Variants in PLEKHG1 observed in about 807,000 individuals in gnomAD.
The protein encoded by PLEKHG1 is pleckstrin homology and RhoGEF domain containing G1.
Under a neutral mutation model 100.8 loss-of-function variants are expected in PLEKHG1, and 44 were observed. The observed-to-expected ratio is 0.44, with a 90% CI of 0.34 to 0.56. The LOEUF (loss-of-function observed/expected upper bound fraction) is 0.56, where lower values mean the gene tolerates loss of function less well. Among genes scored for constraint, PLEKHG1 ranks in the 20% least tolerant of loss-of-function variants. The pLI, the probability that PLEKHG1 is intolerant of heterozygous loss-of-function variation, is 0.01. For missense variants in PLEKHG1, 1,545 were observed against 1,720.9 expected, an observed-to-expected ratio of 0.90 and a Z score of 1.81; for synonymous variants, 640 against 662.5, an observed-to-expected ratio of 0.97 and a Z score of 0.52.
upstream of PLEKHG1, among the ~76,000 whole-genome samples, chr6:150,716,723 C>T (rs941234198): frequency 2.0e-5 from 3 of 152,334 alleles, no homozygotes; most frequent in South Asian, 4.1e-4. Flanking sequence ...GATGGTGAAG[C>T]TAATTCACAC....
intron 3 of PLEKHG1, among the ~76,000 whole-genome samples, chr6:150,678,063 CATATATATATATATATATATAT>C (rs201616866): frequency 6.8e-4 from 41 of 60,120 alleles, no homozygotes; most frequent in South Asian, 2.8e-3. Flanking sequence ...TGTTTTGATG[CATATATATATATATATATATAT>C]ATATATATAT....
intron 3 of PLEKHG1, among the ~76,000 whole-genome samples, chr6:150,783,024 A>C (rs1030884455): frequency 2.0e-5 from 3 of 152,274 alleles, no homozygotes; most frequent in East Asian, 1.9e-4. Context: ...TTTGGAAATA[A>C]GGGAAGATTT....
At chr6:150,673,096 A>G (rs1779631872) in intron 3 of PLEKHG1, among the ~76,000 whole-genome samples, 2 of 152,176 alleles carry the variant, frequency 1.3e-5, no homozygotes, top group South Asian at 4.1e-4. Context: ...TTCAGTTTGG[A>G]TGCCCTATTT....
At chr6:150,839,358 C>A (rs577105517) in intron 15 of PLEKHG1, among the ~76,000 whole-genome samples, 1 of 152,260 alleles carries the variant, frequency 6.6e-6, no homozygotes, top group South Asian at 2.1e-4. Context: ...TCAAGTGATC[C>A]ACCTGGTTTG....
At position 150,637,283 on chromosome 6, in the gene PLEKHG1, G is replaced by T. The variant is rs992839123; in HGVS notation, c.-203-797G>T. ...CTCCCATCGTGGGTCATGAAATTTTGCCACTTGAAGGAGATTTTCCCAGTA... is the reference window on the plus strand; with the variant it reads ...CTCCCATCGTGGGTCATGAAATTTTTCCACTTGAAGGAGATTTTCCCAGTA... On this transcript the variant is annotated intron_variant, in intron 1 of 3. Coordinates refer to the PLEKHG1 transcript ENST00000367326. Among the ~76,000 whole-genome samples, 4 of 151,220 alleles carry T rather than the reference G, an allele frequency of 2.6e-5. No individual in the cohort carries two copies. In the South Asian group the frequency reaches 8.3e-4, roughly 31 times the overall value.
At chr6:150,786,267 C>T in intron 3 of PLEKHG1, 123 bp from the exon 5 acceptor site, 1 of 677,580 alleles carries the variant, frequency 1.5e-6, no homozygotes, top group Non-Finnish European at 2.6e-6. Flanking sequence ...AGCAGATCCT[C>T]AGTTATCCAA....
intron 1 of PLEKHG1, among the ~76,000 whole-genome samples, chr6:150,628,578 C>CACACACACACACACACACA (rs1263436444): frequency 9.3e-5 from 3 of 32,106 alleles, no homozygotes; most frequent in Non-Finnish European, 2.2e-4. Flanking sequence ...ACACACACAC[C>CACACACACACACACACACA]CCGTCCTTGC....
chr6:150,764,578 G>A (rs1784361509), intron 2 of PLEKHG1, among the ~76,000 whole-genome samples: 2 of 152,168 alleles, frequency 1.3e-5, no homozygotes, highest in Non-Finnish European at 2.9e-5. Context: ...GTGTGTTTAG[G>A]CGCACGCCCT....
In PLEKHG1 at chr6:150,809,292, G is replaced by A; in HGVS notation, c.1095+5G>A. ...ACATACAAAGCTCACATCCTGGTAGGTCTGCACGCTGGCCATGGGCAGGGA... is the reference window on the plus strand; with the variant it reads ...ACATACAAAGCTCACATCCTGGTAGATCTGCACGCTGGCCATGGGCAGGGA... On this transcript the variant is annotated splice_donor_5th_base_variant and intron_variant, in intron 8 of 15. Coordinates refer to ENST00000358517, the Ensembl canonical transcript of PLEKHG1. The A allele has an allele frequency of 1.2e-6, 2 of 1,613,140 alleles. No individual in the cohort carries two copies. Among genetic ancestry groups the A allele is most frequent in the Non-Finnish European group, 1.7e-6 (2 of 1,179,332 alleles).
Position 150,729,083 on chromosome 6 carries a change from GTGTT to G in PLEKHG1, c.-98-4491_-98-4488del, listed in dbSNP as rs570230892. Among the ~76,000 whole-genome samples the G allele has an allele frequency of 8.7e-4, 132 of 151,950 alleles. No homozygotes were observed. The Middle Eastern group carries it at 0.01, about 12-fold the overall frequency. ...TCTTACATCTCAATTCAGACTGACT[GTGTT>G]TGTTTGTTTATTTATTTATTTAGGG... On this transcript the variant is annotated intron_variant, in intron 1 of 15. Transcript: ENST00000358517.
chr6:150,654,644 A>T (rs1275202486), intron 3 of PLEKHG1, among the ~76,000 whole-genome samples: 1 of 152,254 alleles, frequency 6.6e-6, no homozygotes, highest in Non-Finnish European at 1.5e-5. Flanking sequence ...TGGCGAAGGC[A>T]TGCTCAAGAA....
intron 2 of PLEKHG1, among the ~76,000 whole-genome samples, chr6:150,742,210 A>AG (rs1240954685): frequency 2.6e-5 from 4 of 152,174 alleles, no homozygotes; most frequent in Non-Finnish European, 4.4e-5. Context: ...GCTTCTGATG[A>AG]GGTCTCAGGA....
Position 150,823,692 on chromosome 6 carries a change from T to C in PLEKHG1, c.1470+16T>C, listed in dbSNP as rs200276086. 2.2e-4 allele frequency: 359 copies of C among 1,605,714 alleles called. No homozygotes were observed. Among genetic ancestry groups the C allele is most frequent in the Non-Finnish European group, 3.0e-4 (346 of 1,172,742 alleles). On this transcript the variant is annotated intron_variant, in intron 14 of 15. Transcript: ENST00000358517. ...CATCCAAAAGGTAAGCTCTATCTCA[T>C]TTCTTACTTGGAAATGTTCACTTCA...
At chr6:150,808,476 GC>G (rs1297228273) in intron 7 of PLEKHG1, among the ~76,000 whole-genome samples, 3 of 152,004 alleles carry the variant, frequency 2.0e-5, no homozygotes, top group African/African-American at 7.3e-5. Flanking sequence ...GGGGCCGGGT[GC>G]GGTGGCTCAC....
chr6:150,797,054 G>T (rs1786378757), intron 5 of PLEKHG1, among the ~76,000 whole-genome samples: 1 of 151,912 alleles, frequency 6.6e-6, no homozygotes, highest in South Asian at 2.1e-4. Context: ...GCAGTGGCGC[G>T]ATCTCAGCTC....
intron 3 of PLEKHG1, among the ~76,000 whole-genome samples, chr6:150,714,934 A>G (rs754168866): frequency 6.6e-6 from 1 of 151,584 alleles, no homozygotes; most frequent in Non-Finnish European, 1.5e-5. Flanking sequence ...TCAGCCTCCC[A>G]AGTAGCTGGG....
intron 1 of PLEKHG1, among the ~76,000 whole-genome samples, chr6:150,603,270 T>C (rs1300883178): frequency 6.6e-6 from 1 of 152,140 alleles, no homozygotes; most frequent in African/African-American, 2.4e-5. Context: ...CAGATATTAA[T>C]GTTTCATCAC....
At chr6:150,769,286 G>A (rs1295486810) in intron 3 of PLEKHG1, among the ~76,000 whole-genome samples, 2 of 152,174 alleles carry the variant, frequency 1.3e-5, no homozygotes, top group East Asian at 3.9e-4. Context: ...AATACTTCTT[G>A]AAAGTAAAGT....
intron 10 of PLEKHG1, among the ~76,000 whole-genome samples, chr6:150,813,149 CA>C (rs1002859613): frequency 2.0e-5 from 3 of 151,832 alleles, no homozygotes; most frequent in African/African-American, 4.8e-5. Context: ...ACTAAAAATA[CA>C]AAAAATTAGC....
Sources: allele counts gnomAD v4.1 joint callset (sites outside exome capture counted in the v4.1 genomes callset), GRCh38; gene constraint gnomAD v4.1.1; transcripts MANE v1.5; gene names NCBI Gene and HGNC (gene_info 2026-07-23, HGNC 2026-07-21).